The following RTN1 variants were observed in gnomAD, a reference collection of about 807,000 sequenced individuals.
RTN1 encodes reticulon-1.
Under a neutral mutation model 65.5 loss-of-function variants are expected in RTN1, and 25 were observed. That is an observed-to-expected ratio of 0.38 (90% CI 0.28 to 0.53). The LOEUF is 0.53. RTN1 is among the 20% of genes least tolerant of loss of function. The pLI, the probability that RTN1 is intolerant of heterozygous loss-of-function variation, is 0.79. For synonymous variants in RTN1, 471 were observed against 447.6 expected (o/e 1.05, Z -0.66); for missense variants, 983 against 1,025.4 (o/e 0.96, Z 0.57).
chr14:59,765,714 A>C (rs908437825), intron 1 of RTN1, among the ~76,000 whole-genome samples: 3 of 152,188 alleles, frequency 2.0e-5, no homozygotes, highest in Non-Finnish European at 4.4e-5. Context: ...TCTGGAAAGG[A>C]ACCAGCAACC....
chr14:59,819,297 G>C (rs1886880381), intron 1 of RTN1, among the ~76,000 whole-genome samples: 1 of 151,026 alleles, frequency 6.6e-6, no homozygotes, highest in South Asian at 2.1e-4. Flanking sequence ...TGGGGCTCGG[G>C]TGGCGGGTCT....
rs779351588 is a variant in RTN1, at chr14:59,655,177, A to G, written c.1766-47685T>C. On this transcript the variant is annotated intron_variant, in intron 3 of 8. Transcript: ENST00000267484. ...ATACACTAGCAGTGAACAATAAAAA[A>G]TGAAATTAAGAAAACGATTCCACTT... is the stretch of plus-strand genomic sequence containing the variant. Among the ~76,000 whole-genome samples, 4 of 152,246 alleles carry G rather than the reference A, an allele frequency of 2.6e-5. No individual in the cohort carries two copies. The East Asian group carries it at 5.8e-4, about 22-fold the overall frequency.
intron 3 of RTN1, among the ~76,000 whole-genome samples, chr14:59,708,603 G>A (rs1437487869): frequency 6.6e-6 from 1 of 152,196 alleles, no homozygotes; most frequent in East Asian, 1.9e-4. Flanking sequence ...GAGCTACCCA[G>A]TTGAGAAGAC....
rs1886705107 is a variant in RTN1 at position 59,810,252 on chromosome 14, ATCAGGT to A, written c.241+60132_241+60137del. On this transcript the variant is annotated intron_variant, in intron 1 of 8. Coordinates refer to ENST00000267484, the MANE Select transcript of RTN1 (RefSeq NM_021136.3). Reference sequence around the variant, plus strand: ...ATGTTTCTCTCTGAAGCAAAGGTTGATCAGGTTCACTAGTACCCTCTTAGAAGATGG... The same window carrying A: ...ATGTTTCTCTCTGAAGCAAAGGTTGATCACTAGTACCCTCTTAGAAGATGG... 4.6e-5 allele frequency among the ~76,000 whole-genome samples: 7 copies of A among 152,286 alleles called. 1 individual carries two copies. The South Asian group carries it at 1.5e-3, about 32-fold the overall frequency.
At chr14:59,762,796 C>T (rs555151646) in intron 1 of RTN1, among the ~76,000 whole-genome samples, 2 of 152,312 alleles carry the variant, frequency 1.3e-5, no homozygotes, top group South Asian at 4.1e-4. Context: ...TTCAAAAACT[C>T]ATGGGCTGAA....
chr14:59,676,573 T>C (rs974531503), intron 3 of RTN1, among the ~76,000 whole-genome samples: 2 of 152,268 alleles, frequency 1.3e-5, no homozygotes, highest in South Asian at 2.1e-4. Flanking sequence ...AAAGGGCACA[T>C]GCAAAAACAT....
chr14:59,778,920 T>A (rs947540745), intron 1 of RTN1, among the ~76,000 whole-genome samples: 5 of 152,016 alleles, frequency 3.3e-5, no homozygotes, highest in Non-Finnish European at 7.4e-5. Flanking sequence ...TATAAGAACT[T>A]CGGATATCAT....
At chr14:59,818,550 AT>A (rs2139622542) in intron 1 of RTN1, among the ~76,000 whole-genome samples, 1 of 152,354 alleles carries the variant, frequency 6.6e-6, no homozygotes, top group South Asian at 2.1e-4. Context: ...ATTCAATCGA[AT>A]ATTTAAATTG....
intron 3 of RTN1, among the ~76,000 whole-genome samples, chr14:59,710,573 G>A (rs1884397360): frequency 6.6e-6 from 1 of 152,228 alleles, no homozygotes. Context: ...GCTTCACACT[G>A]GATGGTGAAA....
Position 59,746,495 on chromosome 14 carries a change from C to G in RTN1, c.242-14G>C. The G allele has an allele frequency of 6.4e-7, 1 of 1,553,386 alleles. No homozygotes were observed. Among genetic ancestry groups the G allele is most frequent in the Non-Finnish European group, 8.7e-7 (1 of 1,153,718 alleles). On this transcript the variant is annotated splice_polypyrimidine_tract_variant and intron_variant, in intron 1 of 8. Coordinates refer to ENST00000267484, the MANE Select transcript of RTN1 (RefSeq NM_021136.3). The stretch of plus-strand genomic sequence containing the variant: ...CACCTGCCACACCTATGAATCAAAG[C>G]AGCAGCAGACAGTGAGTGGGTGCTT...
intron 1 of RTN1, among the ~76,000 whole-genome samples, chr14:59,833,946 G>A (rs1887170391): frequency 6.6e-6 from 1 of 152,082 alleles, no homozygotes; most frequent in Admixed American, 6.6e-5. Flanking sequence ...CAAGTTGGAG[G>A]GCTATTAATA....
chr14:59,837,745 T>G (rs1163558932), intron 1 of RTN1, among the ~76,000 whole-genome samples: 2 of 145,182 alleles, frequency 1.4e-5, no homozygotes, highest in African/African-American at 4.9e-5. Flanking sequence ...AATAATAATA[T>G]CCATTTTTTT....
At chr14:59,597,704 G>A (rs1177600076) in intron 8 of RTN1, among the ~76,000 whole-genome samples, 1 of 152,218 alleles carries the variant, frequency 6.6e-6, no homozygotes, top group Non-Finnish European at 1.5e-5. Context: ...GGCAGGCAGT[G>A]AGGGGCACAG....
intron 3 of RTN1, among the ~76,000 whole-genome samples, chr14:59,718,677 C>T (rs565201384): frequency 4.6e-5 from 7 of 152,252 alleles, no homozygotes; most frequent in South Asian, 2.1e-4. Context: ...ATAGGGAGAT[C>T]ATTTCAGTGC....
intron 1 of RTN1, among the ~76,000 whole-genome samples, chr14:59,867,809 T>C (rs964512487): frequency 2.6e-5 from 4 of 152,138 alleles, no homozygotes; most frequent in African/African-American, 7.2e-5. Context: ...TTAGTTTGAG[T>C]TGAGTCCCAA....
chr14:59,729,694 A>G (rs1019364466), intron 2 of RTN1, among the ~76,000 whole-genome samples: 1 of 152,164 alleles, frequency 6.6e-6, no homozygotes, highest in African/African-American at 2.4e-5. Flanking sequence ...CACTTTACAT[A>G]TGGAACTTAG....
intron 1 of RTN1, among the ~76,000 whole-genome samples, chr14:59,857,048 C>T (rs1346731978): frequency 6.6e-6 from 1 of 152,164 alleles, no homozygotes; most frequent in African/African-American, 2.4e-5. Flanking sequence ...AGTCAGGGCT[C>T]ATTCTGTACC....
At chr14:59,666,657 G>A (rs1292832169) in intron 3 of RTN1, among the ~76,000 whole-genome samples, 1 of 151,966 alleles carries the variant, frequency 6.6e-6, no homozygotes, top group Non-Finnish European at 1.5e-5. Context: ...TCCAGGAGAT[G>A]GTTTTTTCAA....
chr14:59,735,082 T>C (rs878986431), intron 2 of RTN1, among the ~76,000 whole-genome samples: 1 of 152,086 alleles, frequency 6.6e-6, no homozygotes, highest in African/African-American at 2.4e-5. Flanking sequence ...GGGCCAATAT[T>C]CAACACTTCT....
Sources: gnomAD v4.1 joint callset for allele counts (sites outside exome capture counted in the v4.1 genomes callset) on GRCh38, gnomAD v4.1.1 for gene constraint, MANE v1.5 for transcripts, NCBI Gene and HGNC (gene_info 2026-07-23, HGNC 2026-07-21) for gene names.